The following ADGRV1 variants were observed in gnomAD, a reference collection of about 807,000 sequenced individuals.
ADGRV1 encodes the protein adhesion G protein-coupled receptor V1.
ADGRV1 carries 359 observed loss-of-function variants against 596.2 expected under a neutral mutation model. The ratio of observed to expected loss-of-function variants is 0.60; its 90% CI spans 0.55 to 0.66. The LOEUF (loss-of-function observed/expected upper bound fraction) is 0.66. Ranked by LOEUF, ADGRV1 falls within the 30% of genes least tolerant of loss-of-function variation. ADGRV1 has a pLI of 0.00. For missense variants in ADGRV1, 7,274 were observed against 7,575.6 expected (o/e 0.96, Z 1.48); for synonymous variants, 2,681 against 2,679.2 (o/e 1.00, Z -0.02).
chr5:90,744,979 G>A (rs186511631), intron 50 of ADGRV1, 67 bp from the exon 51 acceptor site: 16 of 1,115,312 alleles, frequency 1.4e-5, no homozygotes, highest in East Asian at 4.7e-5. Context: ...CTTTGGAACC[G>A]ATGCAGGGAG....
chr5:91,142,787 C>G (rs953617356), intron 87 of ADGRV1, among the ~76,000 whole-genome samples: 7 of 152,188 alleles, frequency 4.6e-5, no homozygotes, highest in Non-Finnish European at 1.0e-4. Flanking sequence ...TGAATGTTTG[C>G]TAATAAGTTT....
At chr5:91,065,410 C>A (rs1362385578) in intron 85 of ADGRV1, among the ~76,000 whole-genome samples, 1 of 152,198 alleles carries the variant, frequency 6.6e-6, no homozygotes, top group Admixed American at 6.5e-5. Flanking sequence ...CTATGTAACC[C>A]AGATGTAACC....
chr5:90,617,154 T>C (rs994374692), intron 2 of ADGRV1: 1 of 152,142 alleles, frequency 6.6e-6, no homozygotes, highest in Admixed American at 6.6e-5. Flanking sequence ...TTAGCTATAA[T>C]TTGTCTTATT....
intron 50 of ADGRV1, among the ~76,000 whole-genome samples, chr5:90,732,476 A>T (rs1202118110): frequency 6.6e-6 from 1 of 152,196 alleles, no homozygotes; most frequent in African/African-American, 2.4e-5. Flanking sequence ...GAAAACACTT[A>T]AAATCTAGTC....
At chr5:90,571,458 CA>C (rs1376193768) in intron 1 of ADGRV1, among the ~76,000 whole-genome samples, 1 of 152,070 alleles carries the variant, frequency 6.6e-6, no homozygotes, top group Non-Finnish European at 1.5e-5. Context: ...TTTAAATTTG[CA>C]ATAAATGTCT....
intron 86 of ADGRV1, among the ~76,000 whole-genome samples, chr5:91,101,816 C>T (rs1052784851): frequency 1.9e-4 from 29 of 152,086 alleles, no homozygotes; most frequent in South Asian, 6.2e-4. Context: ...CACACACGCA[C>T]GATGTTATAT....
At chr5:90,903,740 C>T (rs1158800304) in intron 83 of ADGRV1, among the ~76,000 whole-genome samples, 1 of 151,918 alleles carries the variant, frequency 6.6e-6, no homozygotes, top group Non-Finnish European at 1.5e-5. Context: ...TATTCATTCC[C>T]TCAAGCGTTT....
chr5:90,628,697 T>A lies in ADGRV1; in HGVS notation c.1374T>A (p.Phe458Leu), dbSNP rs373868639. Residue 458 changes from phenylalanine (F) to leucine (L), a missense_variant, in exon 8 of 90, where the codon TTT (phenylalanine) becomes TTA (leucine). By Grantham distance (22) the Phe-to-Leu change is conservative. Transcript: ENST00000405460. ...GACCGAGCTCTGGAGTTCTCCATTT[T>A]GCACAAGGGCAGATGTTGGCAACAA... Reference protein sequence around the residue: ...DIRPSSGVLHFAQGQMLATIP... With the variant: ...DIRPSSGVLHLAQGQMLATIP... 2.0e-4 allele frequency: 324 copies of A among 1,614,018 alleles called. 2 individuals carry two copies. The Middle Eastern group carries it at 2.6e-3, about 13-fold the overall frequency.
chr5:91,154,849 A>G (rs1796343433), intron 89 of ADGRV1, among the ~76,000 whole-genome samples: 1 of 152,198 alleles, frequency 6.6e-6, no homozygotes, highest in Non-Finnish European at 1.5e-5. Context: ...TATCATAAGA[A>G]TAGCATAGGG....
Position 90,569,160 on chromosome 5 carries a change from C to T in ADGRV1, c.22+10243C>T, listed in dbSNP as rs150388444. ...AGGAGGCCACTCCTGTGATGACTAA[C>T]CCACCCCCCTAATAGCAGTATTGTT... On this transcript the variant is annotated intron_variant, in intron 1 of 89. Transcript: ENST00000405460. 7.2e-3 allele frequency among the ~76,000 whole-genome samples: 1,093 copies of T among 151,784 alleles called. 4 individuals are homozygous for T. The highest frequency in any genetic ancestry group is 0.024 in the Middle Eastern group (7 of 294).
At chr5:90,582,152 A>T (rs764562021) in intron 1 of ADGRV1, among the ~76,000 whole-genome samples, 2 of 150,638 alleles carry the variant, frequency 1.3e-5, no homozygotes, top group Non-Finnish European at 3.0e-5. Context: ...GCAGATGAGA[A>T]GATGTATATT....
chr5:90,818,282 T>G (rs1225363683), intron 75 of ADGRV1, among the ~76,000 whole-genome samples: 4 of 133,576 alleles, frequency 3.0e-5, no homozygotes, highest in Non-Finnish European at 6.7e-5. Flanking sequence ...GAGACTTTGC[T>G]GAAGTTGCTT....
chr5:91,023,177 T>C (rs2151193511), intron 85 of ADGRV1, among the ~76,000 whole-genome samples: 1 of 152,286 alleles, frequency 6.6e-6, no homozygotes, highest in Middle Eastern at 3.4e-3. Context: ...TATTGAATTT[T>C]TACAGTTAAT....
intron 83 of ADGRV1, among the ~76,000 whole-genome samples, chr5:90,867,367 AT>A (rs1768226486): frequency 6.6e-6 from 1 of 152,212 alleles, no homozygotes; most frequent in Non-Finnish European, 1.5e-5. Context: ...AAGTCCGTAC[AT>A]TAACCGCAAG....
chr5:90,811,188 C>G lies in ADGRV1; in HGVS notation c.15928C>G (p.Arg5310Gly). The change falls in exon 74 of 90, where the codon CGT becomes GGT. Residue 5310 changes from arginine (R) to glycine (G), a missense_variant. By Grantham distance (125) the Arg-to-Gly change is moderately radical. This residue lies in a region of ADGRV1 where 1,874 missense variants were observed against 1,970.2 expected (regional missense o/e 0.95). Transcript: ENST00000405460. ...TATATTCCTAGATGGAGAAAGAGAA[C>G]GTAAAGTATCAGTTCAAATTTTGGA... ...TLIFLDGERERKVSVQILDDD... is the reference protein window; with the variant it reads ...TLIFLDGEREGKVSVQILDDD... 1 of 1,613,404 alleles carries G rather than the reference C, an allele frequency of 6.2e-7. No homozygotes were observed. The highest frequency in any genetic ancestry group is 8.5e-7 in the Non-Finnish European group (1 of 1,179,626).
intron 30 of ADGRV1, 75 bp downstream of exon 30, chr5:90,690,151 A>G: frequency 4.6e-6 from 4 of 868,396 alleles, no homozygotes; most frequent in Non-Finnish European, 7.2e-6. Flanking sequence ...TTACTTTTGG[A>G]GACTCAGAAT....
intron 1 of ADGRV1, among the ~76,000 whole-genome samples, chr5:90,584,359 C>T (rs1359673115): frequency 1.3e-5 from 2 of 152,228 alleles, no homozygotes; most frequent in Admixed American, 6.5e-5. Context: ...GCTTCAGCCC[C>T]TAAGCATTTT....
At chr5:91,096,718 C>A (rs538497896) in intron 86 of ADGRV1, among the ~76,000 whole-genome samples, 9 of 152,106 alleles carry the variant, frequency 5.9e-5, no homozygotes, top group Admixed American at 5.9e-4. Flanking sequence ...GTAAAATATA[C>A]ATAACAAAAT....
At chr5:90,816,079 C>A (rs906935340) in intron 75 of ADGRV1, among the ~76,000 whole-genome samples, 4 of 152,196 alleles carry the variant, frequency 2.6e-5, no homozygotes, top group African/African-American at 9.6e-5. Flanking sequence ...CAACTTAAAA[C>A]TGTATAGTAG....
Sources: allele counts gnomAD v4.1 joint callset (sites outside exome capture counted in the v4.1 genomes callset), GRCh38; gene constraint gnomAD v4.1.1; regional missense constraint gnomAD v4.1.1; transcripts MANE v1.5; gene names NCBI Gene and HGNC (gene_info 2026-07-23, HGNC 2026-07-21).